The following GBA1 variants were observed in gnomAD, a reference collection of about 807,000 sequenced individuals.
The protein encoded by GBA1 is lysosomal acid glucosylceramidase.
chr1:155,240,181 T>G, the GBA1 span: 1 of 1,094,618 alleles, frequency 9.1e-7, no homozygotes, highest in Non-Finnish European at 1.3e-6. Context: ...CCTCACCCCT[T>G]GGCCGGGCGC....
the GBA1 span, among the ~76,000 whole-genome samples, chr1:155,241,573 T>C: frequency 5.3e-5 from 8 of 151,914 alleles, no homozygotes; most frequent in African/African-American, 2.4e-5. Flanking sequence ...CTGTGCAAAA[T>C]ACTGACACTA....
the GBA1 span, chr1:155,235,787 C>T: frequency 1.2e-6 from 2 of 1,614,214 alleles, no homozygotes; most frequent in African/African-American, 1.3e-5. Context: ...TTGGGTCCTC[C>T]TTCGGGGTTC....
At chr1:155,239,570 G>C in the GBA1 span, 44 of 1,610,366 alleles carry the variant, frequency 2.7e-5, no homozygotes, top group Admixed American at 7.2e-4. Context: ...AAAGAAAAAC[G>C]AAAAGTTTCA....
the GBA1 span, among the ~76,000 whole-genome samples, chr1:155,242,308 C>T: frequency 1.3e-5 from 2 of 151,992 alleles, no homozygotes; most frequent in Admixed American, 1.3e-4. Flanking sequence ...CTGCAACCTC[C>T]ACCTCCTGGG....
the GBA1 span, chr1:155,235,258 T>A: frequency 6.2e-7 from 1 of 1,613,732 alleles, no homozygotes. Flanking sequence ...GTCCAGGTCG[T>A]TCTTCTGACT....
At chr1:155,242,015 G>C in the GBA1 span, among the ~76,000 whole-genome samples, 1 of 152,194 alleles carries the variant, frequency 6.6e-6, no homozygotes, top group African/African-American at 2.4e-5. Context: ...TCCATGGTGT[G>C]GCCTCATGAA....
chr1:155,240,355 C>T, the GBA1 span: 95 of 601,780 alleles, frequency 1.6e-4, 1 homozygote, highest in Middle Eastern at 3.1e-3. Flanking sequence ...TCCCAGCTAC[C>T]TGGGAAGCTG....
chr1:155,243,832 G>A, the GBA1 span, among the ~76,000 whole-genome samples: 1 of 151,772 alleles, frequency 6.6e-6, no homozygotes, highest in Non-Finnish European at 1.5e-5. Context: ...GAGTGCAGTG[G>A]CACGATCTCG....
At chr1:155,240,676 G>C in the GBA1 span, 1 of 1,613,572 alleles carries the variant, frequency 6.2e-7, no homozygotes, top group East Asian at 2.2e-5. Flanking sequence ...CTGTGAGGCT[G>C]CCAGCCATGA....
At chr1:155,238,435 T>G in the GBA1 span, 1 of 1,384,398 alleles carries the variant, frequency 7.2e-7, no homozygotes, top group Non-Finnish European at 9.9e-7. Flanking sequence ...GGACAAAATG[T>G]CTGTACAAGC....
At chr1:155,235,912 G>C in the GBA1 span, 1 of 1,594,170 alleles carries the variant, frequency 6.3e-7, no homozygotes, top group Non-Finnish European at 8.6e-7. Context: ...TGTAGGTAAG[G>C]GTCACATGTG....
the GBA1 span, among the ~76,000 whole-genome samples, chr1:155,239,404 G>A: frequency 2.6e-5 from 4 of 151,848 alleles, no homozygotes; most frequent in East Asian, 3.9e-4. Flanking sequence ...AGTGGCGCAC[G>A]CCTATAATTC....
chr1:155,239,558 GAAAAGA>G, the GBA1 span: 13 of 1,600,986 alleles, frequency 8.1e-6, no homozygotes, highest in Non-Finnish European at 1.1e-5. Context: ...TTTAAAAAAA[GAAAAGA>G]AAAACGAAAA....
At chr1:155,241,678 A>C in the GBA1 span, among the ~76,000 whole-genome samples, 1 of 152,206 alleles carries the variant, frequency 6.6e-6, no homozygotes, top group Non-Finnish European at 1.5e-5. Context: ...AAACGGTAAC[A>C]GGTGTGCATG....
the GBA1 span, chr1:155,240,600 G>C: frequency 6.5e-7 from 1 of 1,546,184 alleles, no homozygotes; most frequent in Non-Finnish European, 8.9e-7. Flanking sequence ...GAGGCTCTGT[G>C]CTACCTCCCC....
At chr1:155,240,121 A>G in the GBA1 span, 22 of 1,550,982 alleles carry the variant, frequency 1.4e-5, no homozygotes, top group Non-Finnish European at 1.9e-5. Context: ...TGATGAAGAC[A>G]TGGAGAATGG....
the GBA1 span, chr1:155,239,494 G>A: frequency 9.5e-7 from 1 of 1,057,764 alleles, no homozygotes. Context: ...TCACACCACT[G>A]CACTCCTGTC....
At chr1:155,237,142 T>G in the GBA1 span, among the ~76,000 whole-genome samples, 3 of 152,096 alleles carry the variant, frequency 2.0e-5, no homozygotes, top group African/African-American at 7.2e-5. Context: ...AGTGCTGGGT[T>G]TGCATGAGTG....
At chr1:155,239,918 A>T in the GBA1 span, 2 of 1,614,110 alleles carry the variant, frequency 1.2e-6, no homozygotes, top group Non-Finnish European at 1.7e-6. Flanking sequence ...GATGGGCCCC[A>T]TACTCAGCTC....
Sources: gnomAD v4.1 joint callset for allele counts (sites outside exome capture counted in the v4.1 genomes callset) on GRCh38, gnomAD v4.1.1 for gene constraint, MANE v1.5 for transcripts, NCBI Gene and HGNC (gene_info 2026-07-23, HGNC 2026-07-21) for gene names.